MMP1: variants seen among roughly 807,000 people sequenced by gnomAD.
MMP1 encodes the protein matrix metallopeptidase 1, also known as interstitial collagenase.
MMP1 carries 51 observed loss-of-function variants against 49.6 expected under a neutral mutation model. The observed-to-expected ratio is 1.03, with a 90% CI of 0.82 to 1.30. The LOEUF (loss-of-function observed/expected upper bound fraction) is 1.30, where lower values mean the gene tolerates loss of function less well. Among genes scored for constraint, MMP1 ranks in the 50% most tolerant of loss-of-function variants. MMP1 has a pLI of 0.00. For synonymous variants in MMP1, 230 were observed against 196.8 expected (o/e 1.17, Z -1.41); for missense variants, 623 against 568.7 (o/e 1.10, Z -0.97).
At position 102,795,607 on chromosome 11, in the gene MMP1, T is replaced by C. The variant is rs780053590; in HGVS notation, c.626A>G (p.Glu209Gly). 6.2e-7 allele frequency: 1 copy of C among 1,603,050 alleles called. No homozygotes were observed. The highest frequency in any genetic ancestry group is 8.5e-7 in the Non-Finnish European group (1 of 1,176,824). ...EDERWTNNFR[E>G]YNLHRVAAHE... ...AGCTGCAACACGATGTAAGTTGTAC[T>C]CTAAAAAGGCCAATAAATCAATTTG... Residue 209 changes from glutamate to glycine, a missense_variant and splice_region_variant, in exon 5 of 10, where the codon GAG (glutamate) becomes GGG (glycine). By Grantham distance (98) the Glu-to-Gly change is moderately conservative. Transcript: ENST00000315274.
At chr11:102,796,323 C>T (rs1327708180) in intron 4 of MMP1, among the ~76,000 whole-genome samples, 1 of 152,158 alleles carries the variant, frequency 6.6e-6, no homozygotes, top group East Asian at 1.9e-4. Flanking sequence ...CACAAAAAGC[C>T]TTCCTTTTCT....
At chr11:102,793,668 A>G (rs1858096564) in intron 6 of MMP1, among the ~76,000 whole-genome samples, 1 of 152,210 alleles carries the variant, frequency 6.6e-6, no homozygotes, top group African/African-American at 2.4e-5. Flanking sequence ...AGACTAAGGG[A>G]GGTGTCTAAG....
At position 102,791,484 on chromosome 11, in the gene MMP1, A is replaced by C. The variant is rs759699354; in HGVS notation, c.1045T>G (p.Trp349Gly). 1 of 1,613,586 alleles carries C rather than the reference A, an allele frequency of 6.2e-7. No individual in the cohort carries two copies. ...AGCACATTCTGTCCCTGAACAGCCC[A>C]GTACTTATTCCCTGCCAATCAAGAA... ...EVRFFKGNKY[W>G]AVQGQNVLHG... The change falls in exon 8 of 10, where the codon TGG becomes GGG. Residue 349 changes from tryptophan to glycine, a missense_variant. Physicochemically the swap from Trp to Gly is radical, Grantham distance 184 (BLOSUM62 -2). Coordinates refer to ENST00000315274, the MANE Select transcript of MMP1 (RefSeq NM_002421.4).
rs1403029668 is a variant in MMP1 at position 102,790,803 on chromosome 11, A to T, written c.1200T>A (p.Tyr400Ter). The change falls in exon 9 of 10, where the codon TAT (tyrosine) becomes TAA (stop). Residue 400 changes from tyrosine (Y) to a stop codon, truncating the protein, a stop_gained. Coordinates refer to ENST00000315274, the MANE Select transcript of MMP1 (RefSeq NM_002421.4). LOFTEE classifies it high-confidence loss of function. Reference protein sequence around the residue: ...YFFVANKYWRYDEYKRSMDPG... With the variant: ...YFFVANKYWR ...GATCCATAGATCGTTTATATTCATCATACCTGGTCAGAAAAGAGTTAAGAG... is the reference window on the plus strand; with the variant it reads ...GATCCATAGATCGTTTATATTCATCTTACCTGGTCAGAAAAGAGTTAAGAG... 1 of 1,583,660 alleles carries T rather than the reference A, an allele frequency of 6.3e-7. No homozygotes were observed. The highest frequency in any genetic ancestry group is 8.7e-7 in the Non-Finnish European group (1 of 1,152,760).
At chr11:102,795,630 T>C in intron 4 of MMP1, 23 bp from the exon 5 acceptor site, 2 of 1,582,422 alleles carry the variant, frequency 1.3e-6, no homozygotes, top group Non-Finnish European at 1.7e-6. Flanking sequence ...ATAAATCAAT[T>C]TGTAATTATT....
rs748601963 is a variant in MMP1, at chr11:102,791,380, C to T, written c.1149G>A (p.Glu383=). 1.9e-6 allele frequency: 3 copies of T among 1,613,906 alleles called. No homozygotes were observed. Among genetic ancestry groups the T allele is most frequent in the Non-Finnish European group, 8.5e-7 (1 of 1,179,904 alleles). Residue 383 remains glutamate (E), a synonymous_variant, in exon 8 of 10, where the codon GAG becomes GAA. Coordinates refer to ENST00000315274, the MANE Select transcript of MMP1 (RefSeq NM_002421.4). ...TVKHIDAALS[E]ENTGKTYFFV... ...AGAAGTAGGTTTTTCCAGTGTTTTC[C>T]TCAGAAAGAGCAGCATCGATATGCT...
intron 1 of MMP1, 97 bp downstream of exon 1, chr11:102,797,891 T>C: frequency 1.1e-6 from 1 of 940,068 alleles, no homozygotes; most frequent in South Asian, 1.8e-5. Flanking sequence ...AAAAAATCTC[T>C]TTATAAGAAA....
In MMP1 at chr11:102,797,426, C is replaced by A. The variant is rs769474098; in HGVS notation, c.180G>T (p.Val60=). 6 of 1,614,190 alleles carry A rather than the reference C, an allele frequency of 3.7e-6. No homozygotes were observed. The highest frequency in any genetic ancestry group is 1.7e-4 in the Middle Eastern group (1 of 6,060). Reference sequence around the variant, plus strand: ...CCTGCATTTGCTTCAATTTTTCAACCACTGGGCCACTATTTCTCCGCTTTT... The same window carrying A: ...CCTGCATTTGCTTCAATTTTTCAACAACTGGGCCACTATTTCTCCGCTTTT... ...QVEKRRNSGP[V]VEKLKQMQEF... is the part of the protein sequence containing the mutation. The change falls in exon 2 of 10, where the codon GTG becomes GTT. Residue 60 remains valine, a synonymous_variant. Coordinates refer to ENST00000315274, the MANE Select transcript of MMP1 (RefSeq NM_002421.4).
Position 102,790,283 on chromosome 11 carries a change from T to C in MMP1, c.*129A>G. The C allele has an allele frequency of 1.8e-6, 1 of 547,130 alleles. No individual in the cohort carries two copies. The highest frequency in any genetic ancestry group is 3.0e-5 in the East Asian group (1 of 32,888). The allele number at this position is 547,130 out of a possible 1,614,324, so 33.9% of individuals were successfully genotyped here. A position where few individuals can be genotyped will look rare whatever the true frequency, so the allele number is the denominator to read the frequency against. On this transcript the variant is annotated 3_prime_UTR_variant, in exon 10 of 10. Transcript: ENST00000315274. ...TAGTAAAAAAATATGCAAACTGAGGTATAAATAAGATTATATTCTGTGTAT... is the reference window on the plus strand; with the variant it reads ...TAGTAAAAAAATATGCAAACTGAGGCATAAATAAGATTATATTCTGTGTAT...
At position 102,797,289 on chromosome 11, in the gene MMP1, T is replaced by C. The variant is rs767873628; in HGVS notation, c.317A>G (p.Asn106Ser). Residue 106 changes from asparagine to serine, a missense_variant, in exon 2 of 10, where the codon AAC (asparagine) becomes AGC (serine). Transcript: ENST00000315274. ...DVAQFVLTEGNPRWEQTHLTY... is the reference protein window; with the variant it reads ...DVAQFVLTEGSPRWEQTHLTY... ...CAGATGTGTTTGCTCCCAGCGAGGG[T>C]TCCCCTCAGTGAGGACAAACTGAGC... 22 of 1,614,048 alleles carry C rather than the reference T, an allele frequency of 1.4e-5. No homozygotes were observed. Among genetic ancestry groups the C allele is most frequent in the East Asian group, 6.7e-5 (3 of 44,894 alleles).
At chr11:102,796,202 G>A (rs1858185981) in intron 4 of MMP1, among the ~76,000 whole-genome samples, 1 of 152,140 alleles carries the variant, frequency 6.6e-6, no homozygotes. Context: ...GCCTGCCTTG[G>A]CCTCCCAAAG....
intron 7 of MMP1, 45 bp downstream of exon 7, chr11:102,792,559 GA>G: frequency 6.3e-7 from 1 of 1,590,718 alleles, no homozygotes; most frequent in Non-Finnish European, 8.6e-7. Flanking sequence ...CAAAGGGAAT[GA>G]AAAATTGATT....
chr11:102,791,252 G>A, intron 8 of MMP1, 81 bp downstream of exon 8: 1 of 1,486,832 alleles, frequency 6.7e-7, no homozygotes, highest in Non-Finnish European at 9.3e-7. Context: ...GGCAGTTTGA[G>A]ACTCACTTTG....
intron 4 of MMP1, among the ~76,000 whole-genome samples, chr11:102,796,323 C>A (rs1327708180): frequency 6.6e-6 from 1 of 152,158 alleles, no homozygotes; most frequent in Non-Finnish European, 1.5e-5. Context: ...CACAAAAAGC[C>A]TTCCTTTTCT....
Position 102,791,514 on chromosome 11 carries a change from T to C in MMP1, c.1034-19A>G, listed in dbSNP as rs1247728006. ...TTATTCCCTGCCAATCAAGAAAGAG[T>C]GATAAAACACTTGCCTAAGACTTCA... On this transcript the variant is annotated intron_variant, in intron 7 of 9. Transcript: ENST00000315274. The C allele has an allele frequency of 1.2e-6, 2 of 1,609,250 alleles. No homozygotes were observed. The highest frequency in any genetic ancestry group is 1.7e-6 in the Non-Finnish European group (2 of 1,177,758).
intron 7 of MMP1, among the ~76,000 whole-genome samples, chr11:102,792,193 C>A (rs1858049230): frequency 6.6e-6 from 1 of 152,290 alleles, no homozygotes; most frequent in African/African-American, 2.4e-5. Flanking sequence ...GCATTTAATT[C>A]TTTGCCTTGA....
Position 102,790,797 on chromosome 11 carries a change from T to C in MMP1, c.1206A>G (p.Glu402=). 6.2e-7 allele frequency: 1 copy of C among 1,601,698 alleles called. No individual in the cohort carries two copies. Among genetic ancestry groups the C allele is most frequent in the Non-Finnish European group, 8.6e-7 (1 of 1,168,830 alleles). ...FVANKYWRYD[E]YKRSMDPGYP... is the part of the protein sequence containing the mutation. The stretch of plus-strand genomic sequence containing the variant: ...AACCTGGATCCATAGATCGTTTATA[T>C]TCATCATACCTGGTCAGAAAAGAGT... Residue 402 remains glutamate, a synonymous_variant, in exon 9 of 10, where the codon GAA becomes GAG. Transcript: ENST00000315274.
intron 2 of MMP1, 39 bp downstream of exon 2, chr11:102,797,217 G>A (rs1394562573): frequency 1.2e-6 from 2 of 1,613,452 alleles, no homozygotes; most frequent in African/African-American, 1.3e-5. Context: ...CCACTGTCAT[G>A]GGAAATAGCT....
chr11:102,791,253 A>G (rs1370730099), intron 8 of MMP1, 80 bp downstream of exon 8: 13 of 1,492,452 alleles, frequency 8.7e-6, no homozygotes, highest in African/African-American at 1.4e-5. Context: ...GCAGTTTGAG[A>G]CTCACTTTGA....
Sources: gnomAD v4.1 joint callset for allele counts (sites outside exome capture counted in the v4.1 genomes callset) on GRCh38, gnomAD v4.1.1 for gene constraint, MANE v1.5 for transcripts, NCBI Gene and HGNC (gene_info 2026-07-23, HGNC 2026-07-21) for gene names.